RAPGEF3: variants seen among roughly 807,000 people sequenced by gnomAD.
The protein encoded by RAPGEF3 is Rap guanine nucleotide exchange factor 3.
Under a neutral mutation model 129.8 loss-of-function variants are expected in RAPGEF3, and 103 were observed. The observed-to-expected ratio is 0.79, with a 90% confidence interval of 0.68 to 0.93. The LOEUF (loss-of-function observed/expected upper bound fraction) is 0.93. Ranked by LOEUF, RAPGEF3 falls within the 40% of genes least tolerant of loss-of-function variation. The probability of loss-of-function intolerance (pLI) is 0.00; values close to 1 mark genes in which losing one functional copy is unlikely to be tolerated. For synonymous variants in RAPGEF3, 436 were observed against 482.6 expected (o/e 0.90, Z 1.26); for missense variants, 1,117 against 1,207.4 (o/e 0.93, Z 1.11).
intron 23 of RAPGEF3, 31 bp from the exon 24 acceptor site, chr12:47,739,261 C>T: frequency 6.5e-7 from 1 of 1,541,530 alleles, no homozygotes; most frequent in Non-Finnish European, 9.0e-7. Context: ...GAGGGGGTTG[C>T]ACACACCATA....
At position 47,757,910 on chromosome 12, in the gene RAPGEF3, G is replaced by A. The variant is rs1235741362; in HGVS notation, c.175C>T (p.Leu59=). The A allele has an allele frequency of 1.3e-6, 2 of 1,557,216 alleles. No homozygotes were observed. Among genetic ancestry groups the A allele is most frequent in the African/African-American group, 1.4e-5 (1 of 73,736 alleles). ...HRPRSCSYQL[L]LEHQRPSCIQ... ...CAGCTCGGACGCTGGTGCTCCAGCA[G>A]CAGCTGGTAGGAGCAGCTTCGGGGC... Residue 59 remains leucine (L), a synonymous_variant, in exon 2 of 28, where the codon CTG becomes TTG. Coordinates refer to ENST00000449771, the MANE Select transcript of RAPGEF3 (RefSeq NM_001098531.4).
At position 47,738,722 on chromosome 12, in the gene RAPGEF3, G is replaced by C; in HGVS notation, c.2494C>G (p.Leu832Val). ...MTFIHEGNHT[L>V]VENLINFEKM... is the part of the protein sequence containing the mutation. ...TCAAAGTTGATGAGATTCTCCACTA[G>C]TGTGTGGTTTCCCTCATGAATGAAG... is the stretch of plus-strand genomic sequence containing the variant. The change falls in exon 25 of 28, where the codon CTA becomes GTA. Residue 832 changes from leucine to valine, a missense_variant. Physicochemically the swap from Leu to Val is conservative, Grantham distance 32 (BLOSUM62 1). This residue lies in a region of RAPGEF3 where 643 missense variants were observed against 673.4 expected (regional missense o/e 0.95). Coordinates refer to ENST00000449771, the MANE Select transcript of RAPGEF3 (RefSeq NM_001098531.4). 6.2e-7 allele frequency: 1 copy of C among 1,611,166 alleles called. No homozygotes were observed. Among genetic ancestry groups the C allele is most frequent in the Admixed American group, 1.7e-5 (1 of 60,026 alleles).
chr12:47,747,998 G>A (rs1032503067), intron 13 of RAPGEF3, 76 bp downstream of exon 13: 14 of 1,554,662 alleles, frequency 9.0e-6, no homozygotes, highest in Middle Eastern at 3.5e-4. Flanking sequence ...GCACAGCCAC[G>A]CTGGTGAGAT....
intron 12 of RAPGEF3, 114 bp from the exon 13 acceptor site, chr12:47,748,266 A>T: frequency 2.0e-6 from 2 of 1,015,236 alleles, no homozygotes; most frequent in Non-Finnish European, 2.9e-6. Context: ...GCAAGGTCCC[A>T]GCAGTGTCCA....
rs1232340519 is a variant in RAPGEF3 at position 47,741,031 on chromosome 12, G to C, written c.1933C>G (p.Pro645Ala). The C allele has an allele frequency of 6.2e-7, 1 of 1,612,490 alleles. No homozygotes were observed. The highest frequency in any genetic ancestry group is 1.3e-5 in the African/African-American group (1 of 74,924). Residue 645 changes from proline to alanine, a missense_variant, in exon 20 of 28, where the codon CCT becomes GCT. By Grantham distance (27) the Pro-to-Ala change is conservative. Transcript: ENST00000449771. Reference sequence around the variant, plus strand: ...CCCACAGTGGGCCCCAGCTGGTCAGGGTGTGGGATCTGCGGGTGGGAGAGT... The same window carrying C: ...CCCACAGTGGGCCCCAGCTGGTCAGCGTGTGGGATCTGCGGGTGGGAGAGT... Reference protein sequence around the residue: ...PQEVHELIPHPDQLGPTVGSA... With the variant: ...PQEVHELIPHADQLGPTVGSA...
chr12:47,750,095 C>G (rs571746449), intron 7 of RAPGEF3, 105 bp from the exon 8 acceptor site: 1 of 1,366,488 alleles, frequency 7.3e-7, no homozygotes, highest in South Asian at 1.2e-5. Flanking sequence ...TGCTGGGGGA[C>G]AAAGATGTGG....
chr12:47,746,961 G>A (rs1327609595), intron 15 of RAPGEF3, 62 bp from the exon 16 acceptor site: 12 of 1,490,380 alleles, frequency 8.1e-6, no homozygotes, highest in Non-Finnish European at 1.8e-6. Flanking sequence ...CAGCAGGGAG[G>A]CCCTTGGGGC....
chr12:47,752,559 T>C (rs994317127), intron 2 of RAPGEF3: 3 of 157,342 alleles, frequency 1.9e-5, no homozygotes, highest in African/African-American at 7.2e-5. Context: ...TGATGGCAGA[T>C]GTGACCTGAA....
chr12:47,758,058 G>T lies in RAPGEF3; in HGVS notation c.27C>A (p.Ser9Arg). Residue 9 changes from serine to arginine, a missense_variant, in exon 2 of 28, where the codon AGC becomes AGA. Physicochemically the swap from Ser to Arg is moderately radical, Grantham distance 110 (BLOSUM62 -1). Coordinates refer to ENST00000449771, the MANE Select transcript of RAPGEF3 (RefSeq NM_001098531.4). ...CCACAGCCAGGCCCACCTGCCAGCAGCTCTCACCTGGCCAGCCCACCTGTG... is the reference window on the plus strand; with the variant it reads ...CCACAGCCAGGCCCACCTGCCAGCATCTCTCACCTGGCCAGCCCACCTGTG... MKVGWPGE[S>R]CWQVGLAVED... 6.4e-7 allele frequency: 1 copy of T among 1,569,524 alleles called. No individual in the cohort carries two copies. Among genetic ancestry groups the T allele is most frequent in the Admixed American group, 1.9e-5 (1 of 54,042 alleles).
At chr12:47,743,065 C>A (rs1016629482) in intron 18 of RAPGEF3, among the ~76,000 whole-genome samples, 2 of 152,216 alleles carry the variant, frequency 1.3e-5, no homozygotes, top group African/African-American at 4.8e-5. Context: ...ACCTGTATCT[C>A]ATGAGATTGT....
At chr12:47,750,895 T>C (rs1265237489) in intron 6 of RAPGEF3, among the ~76,000 whole-genome samples, 153 bp downstream of exon 6, 1 of 152,132 alleles carries the variant, frequency 6.6e-6, no homozygotes, top group East Asian at 1.9e-4. Context: ...ACACAGTGAG[T>C]CCGTGGCAGT....
In RAPGEF3 at chr12:47,758,104, A is replaced by C. The variant is rs529860436; in HGVS notation, c.7-26T>G. Reference sequence around the variant, plus strand: ...CTGTGACACGGGGAGGAAAGTGGACAGCCATGGGACACGACTGGGGCGGCT... The same window carrying C: ...CTGTGACACGGGGAGGAAAGTGGACCGCCATGGGACACGACTGGGGCGGCT... On this transcript the variant is annotated intron_variant, in intron 1 of 27. Transcript: ENST00000449771. 3 of 1,548,664 alleles carry C rather than the reference A, an allele frequency of 1.9e-6. No homozygotes were observed. In the East Asian group the frequency reaches 7.3e-5, roughly 37 times the overall value.
rs1941499390 is a variant in RAPGEF3, at chr12:47,747,703, C to G, written c.1473+9G>C. On this transcript the variant is annotated intron_variant, in intron 14 of 27. Coordinates refer to ENST00000449771, the MANE Select transcript of RAPGEF3 (RefSeq NM_001098531.4). ...CAGCCCAGCCCCGCTGTGCCTCACT[C>G]CCAGGTACCTGGAGGAAGCTGGTGG... 1.2e-6 allele frequency: 2 copies of G among 1,611,378 alleles called. No homozygotes were observed. The highest frequency in any genetic ancestry group is 2.7e-5 in the African/African-American group (2 of 74,930).
intron 24 of RAPGEF3, 124 bp from the exon 25 acceptor site, chr12:47,738,878 C>T: frequency 4.5e-6 from 4 of 883,138 alleles, no homozygotes; most frequent in Non-Finnish European, 7.5e-6. Flanking sequence ...GCCTCTGCCC[C>T]CTCCAAGCCC....
chr12:47,749,930 A>C lies in RAPGEF3; in HGVS notation c.817T>G (p.Leu273Val). Residue 273 changes from leucine to valine, a missense_variant and splice_region_variant, in exon 8 of 28, where the codon TTG (leucine) becomes GTG (valine). Around this residue, in one of 3 missense-constraint regions of RAPGEF3, gnomAD observed 367 missense variants for 373.4 expected, o/e 0.98. Transcript: ENST00000449771. This position sits in a 1 kb window ranked among gnomAD's most constrained non-coding sequence, Gnocchi z 4.5. Reference protein sequence around the residue: ...FEPHSKAGTVLFSQGDKGTSW... With the variant: ...FEPHSKAGTVVFSQGDKGTSW... ...GCTTCTTATGCCCTGCTGGACTTAC[A>C]CACGGTCCCTGCCTTGCTGTGTGGT... The C allele has an allele frequency of 1.2e-6, 2 of 1,614,152 alleles. No homozygotes were observed. Among genetic ancestry groups the C allele is most frequent in the Non-Finnish European group, 8.5e-7 (1 of 1,180,026 alleles).
rs377753617 is a variant in RAPGEF3, at chr12:47,740,881, G to A, written c.2049+34C>T. 6.6e-5 allele frequency: 106 copies of A among 1,613,560 alleles called. 1 individual carries two copies. The South Asian group carries it at 9.1e-4, about 14-fold the overall frequency. On this transcript the variant is annotated intron_variant, in intron 20 of 27. Coordinates refer to ENST00000449771, the MANE Select transcript of RAPGEF3 (RefSeq NM_001098531.4). ...GCTGAGCCGAGCCGGGCGCCCCGCC[G>A]CCTGCTCTCCTCCCCCAGCTCTGCC...
chr12:47,751,921 C>G lies in RAPGEF3; in HGVS notation c.268G>C (p.Glu90Gln), dbSNP rs886380570. 1.2e-6 allele frequency: 2 copies of G among 1,614,036 alleles called. No individual in the cohort carries two copies. Among genetic ancestry groups the G allele is most frequent in the African/African-American group, 2.7e-5 (2 of 74,908 alleles). ...EESLDFSESL[E>Q]QASTERVLRA... ...CACCCTGCCCAGGCTTCTACCTGCT[C>G]CAGGCTCTCGCTGAAATCCAGGGAC... Residue 90 changes from glutamate (E) to glutamine (Q), a missense_variant, in exon 3 of 28, where the codon GAG (glutamate) becomes CAG (glutamine). By Grantham distance (29) the Glu-to-Gln change is conservative. Around this residue, in one of 3 missense-constraint regions of RAPGEF3, gnomAD observed 367 missense variants for 373.4 expected, o/e 0.98. Coordinates refer to ENST00000449771, the MANE Select transcript of RAPGEF3 (RefSeq NM_001098531.4).
rs542271485 is a variant in RAPGEF3 at position 47,758,732 on chromosome 12, C to G, written c.-176G>C. On this transcript the variant is annotated 5_prime_UTR_variant, in exon 1 of 28. Transcript: ENST00000449771. ...TGCCAGGGCAGCAGGATGCAGGGCTCGGTGGAGAGGCTCCTCTTGGGTGAG... is the reference window on the plus strand; with the variant it reads ...TGCCAGGGCAGCAGGATGCAGGGCTGGGTGGAGAGGCTCCTCTTGGGTGAG... The G allele has an allele frequency of 7.8e-6, 9 of 1,147,080 alleles. No homozygotes were observed. The highest frequency in any genetic ancestry group is 6.5e-5 in the African/African-American group (4 of 61,230). 71.1% of individuals were successfully genotyped at this position (1,147,080 alleles called of 1,614,324 possible).
At chr12:47,758,445 C>G in intron 1 of RAPGEF3, 106 bp downstream of exon 1, 15 of 1,582,004 alleles carry the variant, frequency 9.5e-6, no homozygotes, top group Non-Finnish European at 1.2e-5. Flanking sequence ...CTCCTCTCCT[C>G]CTCAGCCCTG....
Sources: allele counts gnomAD v4.1 joint callset (sites outside exome capture counted in the v4.1 genomes callset), GRCh38; gene constraint gnomAD v4.1.1; regional missense constraint gnomAD v4.1.1; non-coding constraint Gnocchi (gnomAD v3.1); transcripts MANE v1.5; gene names NCBI Gene and HGNC (gene_info 2026-07-23, HGNC 2026-07-21).